Variants in KIAA2012 observed in about 807,000 individuals in gnomAD.
KIAA2012 encodes uncharacterized protein KIAA2012.
In KIAA2012, 125 loss-of-function variants were observed where a neutral mutation model predicts 150.6. That is an observed-to-expected ratio of 0.83 (90% CI 0.72 to 0.96). The LOEUF is 0.96. KIAA2012 is among the 40% of genes least tolerant of loss of function. The pLI, the probability that KIAA2012 is intolerant of heterozygous loss-of-function variation, is 0.00. For missense variants in KIAA2012, 1,219 were observed against 1,354.9 expected, an observed-to-expected ratio of 0.90 and a Z score of 1.57; for synonymous variants, 462 against 504.7, an observed-to-expected ratio of 0.92 and a Z score of 1.13.
In KIAA2012 at chr2:202,193,502, C is replaced by G. The variant is rs1013926827; in HGVS notation, c.3013C>G (p.Arg1005Gly). ...GCAGCAGAGACGTACAGAAGAGATCCGGTAGGTTGGGCAAGCCAAAGAGAC... is the reference window on the plus strand; with the variant it reads ...GCAGCAGAGACGTACAGAAGAGATCGGGTAGGTTGGGCAAGCCAAAGAGAC... ...LEQQRRTEEIRLRKQRLQEEQ... is the reference protein window; with the variant it reads ...LEQQRRTEEIGLRKQRLQEEQ... Residue 1005 changes from arginine to glycine, a missense_variant and splice_region_variant, in exon 20 of 24, where the codon CGC (arginine) becomes GGC (glycine). Physicochemically the swap from Arg to Gly is moderately radical, Grantham distance 125. Coordinates refer to ENST00000498697, the MANE Select transcript of KIAA2012 (RefSeq NM_001277372.4). 1 of 1,549,696 alleles carries G rather than the reference C, an allele frequency of 6.5e-7. No homozygotes were observed. The highest frequency in any genetic ancestry group is 8.7e-7 in the Non-Finnish European group (1 of 1,146,858).
At chr2:202,170,795 A>C (rs1233597882) in intron 15 of KIAA2012, among the ~76,000 whole-genome samples, 2 of 152,212 alleles carry the variant, frequency 1.3e-5, no homozygotes, top group African/African-American at 2.4e-5. Flanking sequence ...TGATGAAGAC[A>C]TCAAGAGAAG....
chr2:202,113,577 T>G, intron 11 of KIAA2012, 131 bp downstream of exon 11: 3 of 623,058 alleles, frequency 4.8e-6, no homozygotes, highest in Non-Finnish European at 8.4e-6. Flanking sequence ...GTTTCTCCCC[T>G]TTCACCGACA....
Position 202,171,679 on chromosome 2 carries a change from GTCTAAACA to G in KIAA2012, c.2119+6327_2119+6334del, listed in dbSNP as rs924014986. On this transcript the variant is annotated intron_variant, in intron 15 of 23. Transcript: ENST00000498697. ...AGATGGAGACTGGCAGAGCTAGAAG[GTCTAAACA>G]TCTGAAAAGCAGGCACGCATAGTCC... is the stretch of plus-strand genomic sequence containing the variant. 8.0e-4 allele frequency among the ~76,000 whole-genome samples: 122 copies of G among 152,208 alleles called. 1 individual carries two copies. Among genetic ancestry groups the G allele is most frequent in the African/African-American group, 2.8e-3 (116 of 41,516 alleles).
chr2:202,154,705 G>A lies in KIAA2012; in HGVS notation c.1941G>A (p.Gln647=), dbSNP rs2105711271. ...GAQQSLEAAA[Q]KTGEPQSCIN... Reference sequence around the variant, plus strand: ...AGCAGTCCTTGGAGGCAGCAGCTCAGAAGACAGGAGAGCCTCAAAGTTGTA... The same window carrying A: ...AGCAGTCCTTGGAGGCAGCAGCTCAAAAGACAGGAGAGCCTCAAAGTTGTA... The change falls in exon 14 of 24, where the codon CAG becomes CAA. Residue 647 remains glutamine, a synonymous_variant. Transcript: ENST00000498697. 6.5e-7 allele frequency: 1 copy of A among 1,549,046 alleles called. No individual in the cohort carries two copies. Among genetic ancestry groups the A allele is most frequent in the South Asian group, 1.2e-5 (1 of 83,648 alleles).
In KIAA2012 at chr2:202,100,309, A is replaced by G. The variant is rs1690009139; in HGVS notation, c.1015A>G (p.Lys339Glu). 1 of 1,549,458 alleles carries G rather than the reference A, an allele frequency of 6.5e-7. No homozygotes were observed. Among genetic ancestry groups the G allele is most frequent in the South Asian group, 1.2e-5 (1 of 83,902 alleles). The change falls in exon 7 of 24, where the codon AAA becomes GAA. Residue 339 changes from lysine (K) to glutamate (E), a missense_variant and splice_region_variant. By Grantham distance (56) the Lys-to-Glu change is moderately conservative (BLOSUM62 1). Transcript: ENST00000498697. Reference sequence around the variant, plus strand: ...TCATTCTCATCCTGTTTTTAAAGATAAACAAAGGAACGTGAAACTCCACAA... The same window carrying G: ...TCATTCTCATCCTGTTTTTAAAGATGAACAAAGGAACGTGAAACTCCACAA... ...FPNRKADLSDKQRNVKLHKAR... is the reference protein window; with the variant it reads ...FPNRKADLSDEQRNVKLHKAR...
chr2:202,201,845 A>C, intron 22 of KIAA2012: 1 of 1,283,458 alleles, frequency 7.8e-7, no homozygotes, highest in Non-Finnish European at 1.1e-6. Flanking sequence ...GAGGCTGCAC[A>C]GGCTAGGTTG....
intron 11 of KIAA2012, among the ~76,000 whole-genome samples, chr2:202,118,032 G>A (rs979255428): frequency 2.0e-5 from 3 of 152,022 alleles, no homozygotes; most frequent in East Asian, 3.9e-4. Context: ...AGATTCTCTC[G>A]GTGGAGCAGT....
intron 15 of KIAA2012, among the ~76,000 whole-genome samples, chr2:202,175,321 T>C (rs1691969306): frequency 6.6e-6 from 1 of 152,228 alleles, no homozygotes. Flanking sequence ...CAATTTCAAT[T>C]TTAAAAATCC....
At chr2:202,171,742 C>G (rs564018053) in intron 15 of KIAA2012, among the ~76,000 whole-genome samples, 8 of 152,246 alleles carry the variant, frequency 5.3e-5, no homozygotes, top group African/African-American at 1.7e-4. Flanking sequence ...GCAGGCAAAC[C>G]CCTGGAGTGC....
chr2:202,195,532 GA>G (rs1358323949), intron 21 of KIAA2012, among the ~76,000 whole-genome samples: 1 of 150,782 alleles, frequency 6.6e-6, no homozygotes, highest in Non-Finnish European at 1.5e-5. Flanking sequence ...AAAAAAAAAA[GA>G]AAAAAGAAAA....
intron 10 of KIAA2012, 79 bp downstream of exon 10, chr2:202,109,868 T>G: frequency 7.5e-7 from 1 of 1,330,438 alleles, no homozygotes; most frequent in African/African-American, 1.5e-5. Flanking sequence ...GCTGCTATGA[T>G]GTAAGTTTTC....
chr2:202,163,198 G>A (rs1691693348), intron 14 of KIAA2012, among the ~76,000 whole-genome samples: 2 of 150,562 alleles, frequency 1.3e-5, no homozygotes, highest in African/African-American at 4.9e-5. Flanking sequence ...CCACCTCCTG[G>A]GTTCAATCAG....
intron 9 of KIAA2012, 197 bp downstream of exon 9, chr2:202,106,107 T>C (rs925420390): frequency 6.9e-7 from 1 of 1,449,250 alleles, no homozygotes; most frequent in Non-Finnish European, 9.2e-7. Context: ...AGTGTCCAGC[T>C]CACCAGTTAC....
At chr2:202,133,128 A>T (rs866136054) in intron 12 of KIAA2012, among the ~76,000 whole-genome samples, 2,185 of 76,588 alleles carry the variant, frequency 0.029, 176 homozygotes, top group African/African-American at 0.064. Flanking sequence ...ATATATATAT[A>T]TATTTTTTTT....
chr2:202,088,016 T>C (rs1689616791), intron 2 of KIAA2012, among the ~76,000 whole-genome samples: 2 of 150,542 alleles, frequency 1.3e-5, no homozygotes, highest in African/African-American at 4.9e-5. Context: ...AAAAAAAGTA[T>C]AACAACTATT....
At chr2:202,133,685 C>T (rs781512570) in intron 12 of KIAA2012, among the ~76,000 whole-genome samples, 1 of 152,156 alleles carries the variant, frequency 6.6e-6, no homozygotes, top group Non-Finnish European at 1.5e-5. Flanking sequence ...ATTCCCTACG[C>T]CCATCTCACC....
At chr2:202,101,773 C>G (rs1283553610) in intron 7 of KIAA2012, among the ~76,000 whole-genome samples, 1 of 152,128 alleles carries the variant, frequency 6.6e-6, no homozygotes, top group Non-Finnish European at 1.5e-5. Flanking sequence ...TCATAAAGAT[C>G]CTATGTGCGT....
At chr2:202,199,816 C>CT (rs1483522501) in intron 22 of KIAA2012, among the ~76,000 whole-genome samples, 2 of 151,698 alleles carry the variant, frequency 1.3e-5, no homozygotes, top group Non-Finnish European at 2.9e-5. Context: ...ATCAGACACT[C>CT]TGACAAAAAA....
chr2:202,190,583 G>A, intron 19 of KIAA2012, 90 bp downstream of exon 19: 2 of 1,005,262 alleles, frequency 2.0e-6, no homozygotes, highest in Non-Finnish European at 2.9e-6. Context: ...TAATTATATT[G>A]CACTTACTAA....
Sources: gnomAD v4.1 joint callset for allele counts (sites outside exome capture counted in the v4.1 genomes callset) on GRCh38, gnomAD v4.1.1 for gene constraint, MANE v1.5 for transcripts, NCBI Gene and HGNC (gene_info 2026-07-23, HGNC 2026-07-21) for gene names.